ARHGAP10: variants seen among roughly 807,000 people sequenced by gnomAD.
ARHGAP10 encodes rho GTPase-activating protein 10.
A neutral mutation model predicts 108.6 loss-of-function variants in ARHGAP10; 87 were observed. The observed-to-expected ratio is 0.80, with a 90% CI of 0.67 to 0.96. The LOEUF (loss-of-function observed/expected upper bound fraction) is 0.96. Ranked by LOEUF, ARHGAP10 falls within the 40% of genes least tolerant of loss-of-function variation. The probability of loss-of-function intolerance (pLI) is 0.00; values close to 1 mark genes in which losing one functional copy is unlikely to be tolerated. For missense variants in ARHGAP10, 939 were observed against 954.5 expected (o/e 0.98, Z 0.21); for synonymous variants, 347 against 341.1 (o/e 1.02, Z -0.19).
intron 5 of ARHGAP10, chr4:147,862,926 A>G (rs1734388215): frequency 6.6e-6 from 1 of 152,176 alleles, no homozygotes; most frequent in Non-Finnish European, 1.5e-5. Context: ...TGGTTATTGG[A>G]GGCACAAAAA....
chr4:147,853,451 T>G (rs1733957583), intron 4 of ARHGAP10, among the ~76,000 whole-genome samples: 1 of 152,142 alleles, frequency 6.6e-6, no homozygotes, highest in Non-Finnish European at 1.5e-5. Flanking sequence ...CCTAAACAAT[T>G]GGAAAATAAA....
At chr4:147,923,974 A>G (rs1211318863) in intron 13 of ARHGAP10, among the ~76,000 whole-genome samples, 1 of 152,220 alleles carries the variant, frequency 6.6e-6, no homozygotes, top group African/African-American at 2.4e-5. Context: ...AGTAAACTAG[A>G]GTTTCTCTCT....
intron 10 of ARHGAP10, among the ~76,000 whole-genome samples, chr4:147,898,772 C>G (rs2043643): frequency 0.78 from 118,187 of 151,478 alleles, 48,719 homozygotes; most frequent in Non-Finnish European, 0.92. Flanking sequence ...CTTCTTCTGA[C>G]CCCTCCAAAC....
rs1729151829 is a variant in ARHGAP10 at position 148,051,833 on chromosome 4, G to A, written c.2027+4782G>A. On this transcript the variant is annotated intron_variant, in intron 20 of 22. Transcript: ENST00000336498. ...TTCCTATTCCCATATACAGCCTTGT[G>A]CATGTCATCATATACTTTGTGTGCA... 2.6e-5 allele frequency among the ~76,000 whole-genome samples: 4 copies of A among 152,278 alleles called. No homozygotes were observed. The South Asian group carries it at 8.3e-4, about 32-fold the overall frequency.
At position 147,939,826 on chromosome 4, in the gene ARHGAP10, T is replaced by C. The variant is rs1159624191; in HGVS notation, c.1230T>C (p.Gly410=). The C allele has an allele frequency of 2.5e-6, 4 of 1,613,756 alleles. No homozygotes were observed. The African/African-American group carries it at 5.3e-5, about 22-fold the overall frequency. Residue 410 remains glycine, a splice_region_variant and synonymous_variant, in exon 14 of 23, where the codon GGT becomes GGC. Transcript: ENST00000336498. ...RKCISAVETR[G]INDQGLYRVV... ...CTAATAGTTTGTTTCTTCCCATAGGTATAAATGACCAAGGATTGTACAGAG... is the reference window on the plus strand; with the variant it reads ...CTAATAGTTTGTTTCTTCCCATAGGCATAAATGACCAAGGATTGTACAGAG...
At chr4:147,865,142 C>T (rs1734501453) in intron 6 of ARHGAP10, 186 bp downstream of exon 6, 3 of 563,912 alleles carry the variant, frequency 5.3e-6, no homozygotes, top group Admixed American at 3.3e-5. Flanking sequence ...CAGTGGTTCT[C>T]AGCTGTATTT....
chr4:147,889,986 A>G (rs955948664), intron 10 of ARHGAP10, among the ~76,000 whole-genome samples: 7 of 152,202 alleles, frequency 4.6e-5, no homozygotes, highest in Admixed American at 3.9e-4. Flanking sequence ...AGCATAGTTT[A>G]CTTTTATCAG....
intron 5 of ARHGAP10, among the ~76,000 whole-genome samples, chr4:147,859,256 A>G (rs1473771660): frequency 6.8e-6 from 1 of 147,716 alleles, no homozygotes; most frequent in Non-Finnish European, 1.5e-5. Flanking sequence ...ACTCTGCTTT[A>G]TATTTTTTTC....
At chr4:147,832,595 T>G (rs1732997242) in intron 3 of ARHGAP10, among the ~76,000 whole-genome samples, 1 of 125,508 alleles carries the variant, frequency 8.0e-6, no homozygotes. Flanking sequence ...TACAATGAGC[T>G]GAAATCGTGC....
chr4:148,019,361 AAC>A (rs1243044468), intron 18 of ARHGAP10, among the ~76,000 whole-genome samples: 1 of 152,192 alleles, frequency 6.6e-6, no homozygotes, highest in Non-Finnish European at 1.5e-5. Context: ...GACTGTACTG[AAC>A]ACTTTATAAA....
Position 147,930,210 on chromosome 4 carries a change from C to T in ARHGAP10, c.1229-9615C>T, listed in dbSNP as rs534856808. Among the ~76,000 whole-genome samples, 15 of 152,258 alleles carry T rather than the reference C, an allele frequency of 9.9e-5. No homozygotes were observed. In the South Asian group the frequency reaches 1.0e-3, roughly 11 times the overall value. Reference sequence around the variant, plus strand: ...GAGAATGTATTTCTGTAGAATCATACGGCTGCAAAATCCTTTTTAATCATT... The same window carrying T: ...GAGAATGTATTTCTGTAGAATCATATGGCTGCAAAATCCTTTTTAATCATT... On this transcript the variant is annotated intron_variant, in intron 13 of 22. Coordinates refer to ENST00000336498, the MANE Select transcript of ARHGAP10 (RefSeq NM_024605.4).
intron 5 of ARHGAP10, 64 bp from the exon 6 acceptor site, chr4:147,864,782 C>T: frequency 6.8e-7 from 1 of 1,462,398 alleles, no homozygotes. Flanking sequence ...GTGTGATGAC[C>T]TCTGATGTAG....
At chr4:147,846,561 G>A (rs1733642377) in intron 3 of ARHGAP10, among the ~76,000 whole-genome samples, 1 of 152,178 alleles carries the variant, frequency 6.6e-6, no homozygotes, top group Non-Finnish European at 1.5e-5. Flanking sequence ...GCTGGAGTTT[G>A]TGTGTGTGGC....
At position 147,815,450 on chromosome 4, in the gene ARHGAP10, C is replaced by T. The variant is rs768204643; in HGVS notation, c.155-7277C>T. Among the ~76,000 whole-genome samples, 38 of 152,038 alleles carry T rather than the reference C, an allele frequency of 2.5e-4. 1 individual carries two copies. The highest frequency in any genetic ancestry group is 1.6e-4 in the Non-Finnish European group (11 of 68,016). On this transcript the variant is annotated intron_variant, in intron 1 of 22. Transcript: ENST00000336498. ...AGGGACTTTCAGATGTGATTAAAGA[C>T]CCTGAGATTATTGGCCGGAGGCGGG...
chr4:147,785,930 A>G (rs768731109), intron 1 of ARHGAP10, among the ~76,000 whole-genome samples: 30 of 152,156 alleles, frequency 2.0e-4, no homozygotes, highest in Non-Finnish European at 3.5e-4. Flanking sequence ...ACATTTTTCA[A>G]GTCTCTAGTA....
intron 1 of ARHGAP10, among the ~76,000 whole-genome samples, chr4:147,802,775 T>C (rs1731633558): frequency 6.6e-6 from 1 of 152,242 alleles, no homozygotes; most frequent in South Asian, 2.1e-4. Flanking sequence ...GTTGTGACTT[T>C]ACCTTCTCAA....
chr4:148,037,320 T>C (rs892875083), intron 19 of ARHGAP10, among the ~76,000 whole-genome samples: 4 of 152,218 alleles, frequency 2.6e-5, no homozygotes, highest in African/African-American at 9.6e-5. Context: ...GATGTACTTC[T>C]AAGTCTTGGG....
chr4:147,979,127 A>G (rs1739715005), intron 18 of ARHGAP10, among the ~76,000 whole-genome samples: 1 of 152,164 alleles, frequency 6.6e-6, no homozygotes, highest in African/African-American at 2.4e-5. Flanking sequence ...TTTTTTGCCT[A>G]GGCGACTATC....
chr4:147,996,491 G>T (rs1740483666), intron 18 of ARHGAP10, among the ~76,000 whole-genome samples: 1 of 152,132 alleles, frequency 6.6e-6, no homozygotes, highest in Non-Finnish European at 1.5e-5. Flanking sequence ...GCCCAGACTG[G>T]CCATCTGAGA....
Sources: gnomAD v4.1 joint callset for allele counts (sites outside exome capture counted in the v4.1 genomes callset) on GRCh38, gnomAD v4.1.1 for gene constraint, MANE v1.5 for transcripts, NCBI Gene and HGNC (gene_info 2026-07-23, HGNC 2026-07-21) for gene names.